Variants in DSG2 observed in about 807,000 individuals in gnomAD.
DSG2 encodes the protein desmoglein 2.
A neutral mutation model predicts 75.6 loss-of-function variants in DSG2; 45 were observed. The observed-to-expected ratio is 0.60, with a 90% CI of 0.47 to 0.76. The LOEUF (loss-of-function observed/expected upper bound fraction) is 0.76, where lower values mean the gene tolerates loss of function less well. Ranked by LOEUF, DSG2 falls within the 30% of genes least tolerant of loss-of-function variation. The pLI is 0.00. For synonymous variants in DSG2, 429 were observed against 483.9 expected, an observed-to-expected ratio of 0.89 and a Z score of 1.49; for missense variants, 1,267 against 1,357.4, an observed-to-expected ratio of 0.93 and a Z score of 1.05.
chr18:31,535,416 A>C lies in DSG2; in HGVS notation c.1423+4A>C, dbSNP rs772400854. ...AAGATTGTGGCCATATCAGAAGGTA[A>C]GTTATTAAATAGATCTTTTTCTTGA... On this transcript the variant is annotated splice_donor_region_variant and intron_variant, in intron 10 of 14. Transcript: ENST00000261590. 1 of 1,600,094 alleles carries C rather than the reference A, an allele frequency of 6.2e-7. No individual in the cohort carries two copies. Among genetic ancestry groups the C allele is most frequent in the South Asian group, 1.1e-5 (1 of 90,418 alleles).
At chr18:31,537,927 G>A (rs1438694934) in intron 11 of DSG2, among the ~76,000 whole-genome samples, 1 of 152,070 alleles carries the variant, frequency 6.6e-6, no homozygotes, top group Non-Finnish European at 1.5e-5. Context: ...CTGGGAGGCA[G>A]AGGTTGCAGT....
At position 31,541,216 on chromosome 18, in the gene DSG2, T is replaced by C. The variant is rs940804506; in HGVS notation, c.1903T>C (p.Cys635Arg). The change falls in exon 13 of 15, where the codon TGC becomes CGC. Residue 635 changes from cysteine to arginine, a missense_variant. Cys to Arg is a radical substitution (Grantham distance 180). Coordinates refer to ENST00000261590, the MANE Select transcript of DSG2 (RefSeq NM_001943.5). ...LLLVPLLLLMCHCGKGAKGFT... is the reference protein window; with the variant it reads ...LLLVPLLLLMRHCGKGAKGFT... ...AGTGGTACCACTTTTACTGCTGATG[T>C]GCCATTGCGGAAAGGGCGCCAAAGG... The C allele has an allele frequency of 3.1e-6, 5 of 1,614,066 alleles. No individual in the cohort carries two copies. In the African/African-American group the frequency reaches 6.7e-5, roughly 22 times the overall value.
At position 31,530,974 on chromosome 18, in the gene DSG2, T is replaced by A. The variant is rs772535977; in HGVS notation, c.1015-13T>A. On this transcript the variant is annotated splice_polypyrimidine_tract_variant and intron_variant, in intron 8 of 14. Coordinates refer to ENST00000261590, the MANE Select transcript of DSG2 (RefSeq NM_001943.5). ...TCTCTTTGAAAAGAATTCCCTTTGG[T>A]TTTCCCTTTCAGGAAGTAGATTATG... 6.2e-7 allele frequency: 1 copy of A among 1,613,598 alleles called. No homozygotes were observed. The highest frequency in any genetic ancestry group is 8.5e-7 in the Non-Finnish European group (1 of 1,179,826).
Position 31,547,163 on chromosome 18 carries a change from T to G in DSG2, c.*420T>G. 6.3e-6 allele frequency: 2 copies of G among 315,122 alleles called. No homozygotes were observed. Among genetic ancestry groups the G allele is most frequent in the South Asian group, 6.0e-5 (2 of 33,198 alleles). 19.5% of individuals were successfully genotyped at this position (315,122 alleles called of 1,614,324 possible). On this transcript the variant is annotated 3_prime_UTR_variant, in exon 15 of 15. Transcript: ENST00000261590. The stretch of plus-strand genomic sequence containing the variant: ...TTAAACATTGATGTTCTGTATTCTG[T>G]ACTTTACTGCACCCAGCAGACTTTC...
intron 14 of DSG2, chr18:31,543,092 T>G (rs1873906281): frequency 2.4e-6 from 1 of 422,434 alleles, no homozygotes. Flanking sequence ...CAGGCATATT[T>G]CTCACTTACA....
At chr18:31,542,490 C>CT (rs1247667260) in intron 13 of DSG2, 30 bp from the exon 14 acceptor site, 1 of 1,611,068 alleles carries the variant, frequency 6.2e-7, no homozygotes, top group South Asian at 1.1e-5. Flanking sequence ...ATCCTCCTGA[C>CT]TCAGTTCTCA....
chr18:31,544,692 A>C (rs796149287), intron 14 of DSG2, among the ~76,000 whole-genome samples: 3 of 152,348 alleles, frequency 2.0e-5, no homozygotes, highest in African/African-American at 7.2e-5. Context: ...GGATATTAAG[A>C]GATTAAGCAC....
intron 1 of DSG2, among the ~76,000 whole-genome samples, chr18:31,504,570 G>T (rs753061219): frequency 6.6e-6 from 1 of 152,158 alleles, no homozygotes; most frequent in Non-Finnish European, 1.5e-5. Context: ...ACGGCAGAGG[G>T]GGGGACACAG....
intron 9 of DSG2, 98 bp from the exon 10 acceptor site, chr18:31,535,172 T>C (rs2073221451): frequency 1.1e-6 from 1 of 892,882 alleles, no homozygotes; most frequent in African/African-American, 1.7e-5. Context: ...TAAGAACATA[T>C]TTAAAGAGAA....
chr18:31,546,003 C>A lies in DSG2; in HGVS notation c.2617C>A (p.Gln873Lys), dbSNP rs765347389. Reference protein sequence around the residue: ...MNTASHSLCEQTMVNSENTYS... With the variant: ...MNTASHSLCEKTMVNSENTYS... ...CACAGCTTCACATTCACTCTGTGAG[C>A]AAACTATGGTTAATTCAGAGAATAC... Residue 873 changes from glutamine to lysine, a missense_variant, in exon 15 of 15, where the codon CAA becomes AAA. Transcript: ENST00000261590. 1.9e-6 allele frequency: 3 copies of A among 1,614,188 alleles called. No homozygotes were observed. Among genetic ancestry groups the A allele is most frequent in the Non-Finnish European group, 2.5e-6 (3 of 1,180,046 alleles).
At chr18:31,505,488 G>A (rs1598802554) in intron 1 of DSG2, among the ~76,000 whole-genome samples, 1 of 152,010 alleles carries the variant, frequency 6.6e-6, no homozygotes, top group Admixed American at 6.6e-5. Context: ...CAAGATCTTT[G>A]TATCTTTTAT....
In DSG2 at chr18:31,521,266, T is replaced by A. The variant is rs763569278; in HGVS notation, c.523+23T>A. On this transcript the variant is annotated intron_variant, in intron 5 of 14. Coordinates refer to ENST00000261590, the MANE Select transcript of DSG2 (RefSeq NM_001943.5). ...CACGTAAGAGTCTTTTTTTTTTTTT[T>A]TAATAAATAAATACCTAAGATTACT... The A allele has an allele frequency of 8.1e-5, 127 of 1,568,386 alleles. No homozygotes were observed. In the African/African-American group the frequency reaches 1.6e-3, roughly 19 times the overall value.
chr18:31,522,032 A>G (rs774813361), intron 5 of DSG2, 51 bp from the exon 6 acceptor site: 1 of 1,547,808 alleles, frequency 6.5e-7, no homozygotes, highest in Non-Finnish European at 8.9e-7. Context: ...ATAACAGGTA[A>G]ATATGCTTAA....
At chr18:31,536,509 CATAAATT>C in intron 11 of DSG2, 80 bp downstream of exon 11, 1 of 1,376,480 alleles carries the variant, frequency 7.3e-7, no homozygotes, top group South Asian at 1.3e-5. Flanking sequence ...TATTTCTTCT[CATAAATT>C]ATATTTCCAA....
rs2073328231 is a variant in DSG2, at chr18:31,548,177, C to T, written c.*1434C>T. 6.6e-6 allele frequency: 1 copy of T among 152,120 alleles called. No homozygotes were observed. Among genetic ancestry groups the T allele is most frequent in the Non-Finnish European group, 1.5e-5 (1 of 68,016 alleles). The allele number at this position is 152,120 out of a possible 1,614,324, so 9.4% of individuals were successfully genotyped here. On this transcript the variant is annotated 3_prime_UTR_variant, in exon 15 of 15. Coordinates refer to ENST00000261590, the MANE Select transcript of DSG2 (RefSeq NM_001943.5). ...AATTGACTTGATTTTACACAACATC[C>T]TTCCCTTTTCTACAAGTTAATTTTT...
At chr18:31,534,924 T>G (rs1273882174) in intron 9 of DSG2, among the ~76,000 whole-genome samples, 1 of 152,210 alleles carries the variant, frequency 6.6e-6, no homozygotes, top group Non-Finnish European at 1.5e-5. Context: ...ACTAAGTTAT[T>G]CCCCAAAAGT....
chr18:31,504,353 C>A (rs765962804), intron 1 of DSG2, among the ~76,000 whole-genome samples: 1 of 152,202 alleles, frequency 6.6e-6, no homozygotes, highest in Non-Finnish European at 1.5e-5. Flanking sequence ...TTTAATGATC[C>A]AGTCTCCTTA....
rs200395484 is a variant in DSG2, at chr18:31,541,227, A to G, written c.1914A>G (p.Gly638=). 1,462 of 1,614,192 alleles carry G rather than the reference A, an allele frequency of 9.1e-4. 22 individuals carry two copies. In the South Asian group the frequency reaches 0.015, roughly 17 times the overall value. ...TTTTACTGCTGATGTGCCATTGCGG[A>G]AAGGGCGCCAAAGGCTTTACCCCCA... ...VPLLLLMCHC[G]KGAKGFTPIP... The change falls in exon 13 of 15, where the codon GGA becomes GGG. Residue 638 remains glycine, a synonymous_variant. Coordinates refer to ENST00000261590, the MANE Select transcript of DSG2 (RefSeq NM_001943.5).
intron 6 of DSG2, among the ~76,000 whole-genome samples, chr18:31,522,843 G>A (rs188340975): frequency 7.2e-5 from 11 of 152,234 alleles, no homozygotes; most frequent in African/African-American, 2.6e-4. Context: ...AAAAGTATCT[G>A]TAAAGGAGAG....
Sources: gnomAD v4.1 joint callset for allele counts (sites outside exome capture counted in the v4.1 genomes callset) on GRCh38, gnomAD v4.1.1 for gene constraint, MANE v1.5 for transcripts, NCBI Gene and HGNC (gene_info 2026-07-23, HGNC 2026-07-21) for gene names.